Variants in GON4L observed in about 807,000 individuals in gnomAD.
The protein encoded by GON4L is gon-4 like, also known as GON-4-like protein.
Under a neutral mutation model 211.8 loss-of-function variants are expected in GON4L, and 87 were observed. The observed-to-expected ratio is 0.41, with a 90% CI of 0.35 to 0.49. The LOEUF (loss-of-function observed/expected upper bound fraction) is 0.49, where lower values mean the gene tolerates loss of function less well. Among genes scored for constraint, GON4L ranks in the 20% least tolerant of loss-of-function variants. GON4L has a pLI of 0.15. For missense variants in GON4L, 2,155 were observed against 2,659.5 expected (o/e 0.81, Z 4.17); for synonymous variants, 875 against 962.6 (o/e 0.91, Z 1.68).
intron 2 of GON4L, among the ~76,000 whole-genome samples, chr1:155,841,584 C>A (rs1670775141): frequency 6.6e-6 from 1 of 152,210 alleles, no homozygotes; most frequent in Admixed American, 6.5e-5. Flanking sequence ...CCTCCACTTC[C>A]ATCTGGCCTA....
chr1:155,856,883 A>G (rs753158119), intron 1 of GON4L, among the ~76,000 whole-genome samples: 3 of 151,960 alleles, frequency 2.0e-5, no homozygotes, highest in Non-Finnish European at 4.4e-5. Context: ...TCGGACCAGC[A>G]GGGTGAATGA....
chr1:155,836,669 C>G (rs534832950), intron 2 of GON4L, among the ~76,000 whole-genome samples: 25 of 152,364 alleles, frequency 1.6e-4, no homozygotes, highest in Admixed American at 3.3e-4. Flanking sequence ...TGTCCCCCAT[C>G]ATCTGGGTGC....
intron 2 of GON4L, among the ~76,000 whole-genome samples, chr1:155,839,539 TACTTTTGAGGCTG>T (rs1455089493): frequency 6.6e-6 from 1 of 151,690 alleles, no homozygotes; most frequent in East Asian, 1.9e-4. Flanking sequence ...TAATTCCAGC[TACTTTTGAGGCTG>T]AGGCAGGAGA....
At position 155,789,242 on chromosome 1, in the gene GON4L, A is replaced by G. The variant is rs565644666; in HGVS notation, c.1748-3868T>C. 2.0e-5 allele frequency among the ~76,000 whole-genome samples: 3 copies of G among 152,276 alleles called. No homozygotes were observed. The East Asian group carries it at 5.8e-4, about 29-fold the overall frequency. ...GTACACACATGTCAAAATTCATTAAATGGTACACTTGAGATGTGTGTGATA... is the reference window on the plus strand; with the variant it reads ...GTACACACATGTCAAAATTCATTAAGTGGTACACTTGAGATGTGTGTGATA... On this transcript the variant is annotated intron_variant, in intron 12 of 31. Coordinates refer to ENST00000368331, the MANE Select transcript of GON4L (RefSeq NM_001282860.2).
At position 155,777,653 on chromosome 1, in the gene GON4L, T is replaced by C; in HGVS notation, c.2060A>G (p.Gln687Arg). 1 of 1,613,868 alleles carries C rather than the reference T, an allele frequency of 6.2e-7. No homozygotes were observed. Among genetic ancestry groups the C allele is most frequent in the South Asian group, 1.1e-5 (1 of 91,080 alleles). Residue 687 changes from glutamine (Q) to arginine (R), a missense_variant, in exon 15 of 32, where the codon CAG (glutamine) becomes CGG (arginine). By Grantham distance (43) the Gln-to-Arg change is conservative (BLOSUM62 1). Coordinates refer to ENST00000368331, the MANE Select transcript of GON4L (RefSeq NM_001282860.2). ...CATCTGCTGCTGGAGTCTCTTCCTC[T>C]GTGCTGGGTCCAGAATCAGAGTCTG... is the stretch of plus-strand genomic sequence containing the variant. ...VHQTLILDPA[Q>R]RKRLQQQMQQ...
At chr1:155,823,463 T>G (rs1361656593) in intron 3 of GON4L, among the ~76,000 whole-genome samples, 1 of 152,168 alleles carries the variant, frequency 6.6e-6, no homozygotes, top group Non-Finnish European at 1.5e-5. Flanking sequence ...TCATATATAA[T>G]GAAGGAATAC....
At chr1:155,805,390 T>C (rs1203425939) in intron 10 of GON4L, among the ~76,000 whole-genome samples, 1 of 152,198 alleles carries the variant, frequency 6.6e-6, no homozygotes, top group Non-Finnish European at 1.5e-5. Flanking sequence ...CCATAAAATT[T>C]ACCCTTTTAA....
intron 14 of GON4L, among the ~76,000 whole-genome samples, chr1:155,781,466 T>C (rs1664419660): frequency 6.6e-6 from 1 of 151,320 alleles, no homozygotes; most frequent in Non-Finnish European, 1.5e-5. Flanking sequence ...ATTATTATTA[T>C]TATTATTATT....
rs565779295 is a variant in GON4L at position 155,795,101 on chromosome 1, C to G, written c.1696G>C (p.Asp566His). The G allele has an allele frequency of 6.2e-7, 1 of 1,611,394 alleles. No individual in the cohort carries two copies. The highest frequency in any genetic ancestry group is 1.3e-5 in the African/African-American group (1 of 74,978). Residue 566 changes from aspartate (D) to histidine (H), a missense_variant, in exon 12 of 32, where the codon GAT becomes CAT. This residue lies in a region of GON4L where 551 missense variants were observed against 854.0 expected (regional missense o/e 0.65). Coordinates refer to ENST00000368331, the MANE Select transcript of GON4L (RefSeq NM_001282860.2). Reference sequence around the variant, plus strand: ...CGGAAATCCTCTGTGTCTGGTTCATCGAGGTCTTCCAGGAAATTATATTCT... The same window carrying G: ...CGGAAATCCTCTGTGTCTGGTTCATGGAGGTCTTCCAGGAAATTATATTCT... ...DPEYNFLEDL[D>H]EPDTEDFRTD...
At chr1:155,809,318 A>T (rs560221342) in intron 10 of GON4L, among the ~76,000 whole-genome samples, 1 of 152,176 alleles carries the variant, frequency 6.6e-6, no homozygotes, top group African/African-American at 2.4e-5. Flanking sequence ...TTTATAGTCT[A>T]TCTCTCCTCA....
In GON4L at chr1:155,762,256, GTCC is replaced by G. The variant is rs867106734; in HGVS notation, c.4842_4844del (p.Glu1614del). On this transcript the variant is annotated inframe_deletion, in exon 23 of 32. Coordinates refer to ENST00000368331, the MANE Select transcript of GON4L (RefSeq NM_001282860.2). The stretch of plus-strand genomic sequence containing the variant: ...CCCTGAGTGGATCTCGCTCGAGAAT[GTCC>G]TCATCATACAGCAACAGCAGCTTGG... 2 of 1,612,838 alleles carry G rather than the reference GTCC, an allele frequency of 1.2e-6. No homozygotes were observed. Among genetic ancestry groups the G allele is most frequent in the African/African-American group, 2.7e-5 (2 of 74,922 alleles).
intron 3 of GON4L, among the ~76,000 whole-genome samples, chr1:155,823,294 AACTT>A (rs541051798): frequency 1.1e-4 from 17 of 152,326 alleles, no homozygotes; most frequent in African/African-American, 2.6e-4. Flanking sequence ...AACCTAATGA[AACTT>A]ACCACATTAA....
Position 155,767,537 on chromosome 1 carries a change from T to A in GON4L, c.2651A>T (p.Tyr884Phe). The change falls in exon 20 of 32, where the codon TAT becomes TTT. Residue 884 changes from tyrosine to phenylalanine, a missense_variant. By Grantham distance (22) the Tyr-to-Phe change is conservative. Coordinates refer to ENST00000368331, the MANE Select transcript of GON4L (RefSeq NM_001282860.2). Reference protein sequence around the residue: ...NRAPDNIIKFYKKTKQLPVLG... With the variant: ...NRAPDNIIKFFKKTKQLPVLG... ...GACTGGCAGCTGTTTGGTCTTCTTA[T>A]AAAACTTAACATGAAAAAAATGCGC... 1 of 1,609,686 alleles carries A rather than the reference T, an allele frequency of 6.2e-7. No individual in the cohort carries two copies. The highest frequency in any genetic ancestry group is 8.5e-7 in the Non-Finnish European group (1 of 1,176,712).
In GON4L at chr1:155,754,469, C is replaced by A; in HGVS notation, c.5537G>T (p.Gly1846Val). The change falls in exon 28 of 32, where the codon GGG (glycine) becomes GTG (valine). Residue 1846 changes from glycine (G) to valine (V), a missense_variant. Gly to Val is a moderately radical substitution (Grantham distance 109, BLOSUM62 -3). Around this residue, in one of 6 missense-constraint regions of GON4L, gnomAD observed 455 missense variants for 504.6 expected, o/e 0.90. Coordinates refer to ENST00000368331, the MANE Select transcript of GON4L (RefSeq NM_001282860.2). ...GCAGGAGCAGGCACAGTCCTTGGCCCCATCTGGCCATTCAGTCTCCTAGGA... is the reference window on the plus strand; with the variant it reads ...GCAGGAGCAGGCACAGTCCTTGGCCACATCTGGCCATTCAGTCTCCTAGGA... ...NHDKETEWPD[G>V]AKDCACSCHE... 6.2e-7 allele frequency: 1 copy of A among 1,609,180 alleles called. No homozygotes were observed. Among genetic ancestry groups the A allele is most frequent in the Non-Finnish European group, 8.5e-7 (1 of 1,175,958 alleles).
At chr1:155,799,011 A>C (rs1666368793) in intron 11 of GON4L, among the ~76,000 whole-genome samples, 1 of 152,186 alleles carries the variant, frequency 6.6e-6, no homozygotes, top group Non-Finnish European at 1.5e-5. Flanking sequence ...TAACAATGTC[A>C]GTATTTACCC....
At chr1:155,821,301 T>A (rs1668719863) in intron 5 of GON4L, among the ~76,000 whole-genome samples, 173 bp downstream of exon 5, 1 of 151,488 alleles carries the variant, frequency 6.6e-6, no homozygotes, top group Non-Finnish European at 1.5e-5. Context: ...ATAATAATAA[T>A]AAAATAACAA....
chr1:155,787,102 T>TC (rs1225907280), intron 12 of GON4L, among the ~76,000 whole-genome samples: 1 of 150,346 alleles, frequency 6.7e-6, no homozygotes, highest in Admixed American at 6.6e-5. Flanking sequence ...TTTGTATTTT[T>TC]TAGTAGAGAC....
intron 10 of GON4L, among the ~76,000 whole-genome samples, chr1:155,812,817 A>G (rs1027806227): frequency 6.6e-6 from 1 of 152,166 alleles, no homozygotes; most frequent in Non-Finnish European, 1.5e-5. Context: ...TTGGCCTCTC[A>G]AAGTGCTAGG....
At chr1:155,748,930 C>A, downstream of GON4L, 1 of 871,746 alleles carries the variant, frequency 1.1e-6, no homozygotes. Flanking sequence ...ATATCTTGAT[C>A]CAGCTGATGG....
Sources: gnomAD v4.1 joint callset for allele counts (sites outside exome capture counted in the v4.1 genomes callset) on GRCh38, gnomAD v4.1.1 for gene constraint, gnomAD v4.1.1 regional missense constraint, MANE v1.5 for transcripts, NCBI Gene and HGNC (gene_info 2026-07-23, HGNC 2026-07-21) for gene names.